Variants in TMCC1 observed in about 807,000 individuals in gnomAD.
The protein encoded by TMCC1 is transmembrane and coiled-coil domains protein 1.
Under a neutral mutation model 52.4 loss-of-function variants are expected in TMCC1, and 15 were observed. That is an observed-to-expected ratio of 0.29 (90% CI 0.19 to 0.44). The LOEUF (loss-of-function observed/expected upper bound fraction) is 0.44, where lower values mean the gene tolerates loss of function less well. Among genes scored for constraint, TMCC1 ranks in the 20% least tolerant of loss-of-function variants. The pLI is 1.00. For synonymous variants in TMCC1, 279 were observed against 301.9 expected (o/e 0.92, Z 0.79); for missense variants, 503 against 806.0 (o/e 0.62, Z 4.55).
chr3:129,660,156 GTTGT>G (rs139514245), intron 5 of TMCC1, among the ~76,000 whole-genome samples: 2,646 of 152,092 alleles, frequency 0.017, 80 homozygotes, highest in African/African-American at 0.061. Flanking sequence ...CTTTGTTGTT[GTTGT>G]TTGTTTGAGA....
At chr3:129,767,342 T>G (rs2107693000) in intron 4 of TMCC1, among the ~76,000 whole-genome samples, 1 of 152,008 alleles carries the variant, frequency 6.6e-6, no homozygotes, top group South Asian at 2.1e-4. Flanking sequence ...TTTCAGCACA[T>G]TCACAGAAGT....
chr3:129,889,976 T>C (rs1273876708), intron 1 of TMCC1, among the ~76,000 whole-genome samples: 4 of 130,938 alleles, frequency 3.1e-5, no homozygotes, highest in Admixed American at 2.2e-4. Flanking sequence ...GGTGAAGAAA[T>C]AAGAAAAAGC....
At chr3:129,686,508 AT>A (rs1477809850) in intron 4 of TMCC1, among the ~76,000 whole-genome samples, 3 of 152,070 alleles carry the variant, frequency 2.0e-5, no homozygotes, top group Non-Finnish European at 4.4e-5. Flanking sequence ...ACCATAGTGC[AT>A]TTGCAATATT....
chr3:129,868,643 T>G (rs2060771232), intron 2 of TMCC1, among the ~76,000 whole-genome samples: 1 of 152,230 alleles, frequency 6.6e-6, no homozygotes, highest in Non-Finnish European at 1.5e-5. Flanking sequence ...TTCACCATGT[T>G]GGCCAGGCTG....
At chr3:129,671,710 G>A (rs2087959021) in intron 4 of TMCC1, among the ~76,000 whole-genome samples, 1 of 152,184 alleles carries the variant, frequency 6.6e-6, no homozygotes, top group Non-Finnish European at 1.5e-5. Flanking sequence ...CACACTTATA[G>A]ATTATGGTCA....
intron 2 of TMCC1, among the ~76,000 whole-genome samples, chr3:129,872,788 T>G (rs1489247861): frequency 6.6e-6 from 1 of 152,158 alleles, no homozygotes; most frequent in Non-Finnish European, 1.5e-5. Context: ...TTGCTTCTGT[T>G]TATATAAGAC....
intron 4 of TMCC1, among the ~76,000 whole-genome samples, chr3:129,807,903 C>A (rs2107787505): frequency 6.6e-6 from 1 of 151,976 alleles, no homozygotes; most frequent in Admixed American, 6.6e-5. Flanking sequence ...ATCAAGGAAC[C>A]AAAGAATGTT....
intron 4 of TMCC1, among the ~76,000 whole-genome samples, chr3:129,693,866 T>C (rs2047201804): frequency 6.6e-6 from 1 of 152,234 alleles, no homozygotes; most frequent in Admixed American, 6.5e-5. Flanking sequence ...ATAGGATCAA[T>C]ACCAATCTCA....
intron 4 of TMCC1, among the ~76,000 whole-genome samples, chr3:129,692,312 A>T (rs1316164980): frequency 6.6e-6 from 1 of 152,238 alleles, no homozygotes; most frequent in Non-Finnish European, 1.5e-5. Flanking sequence ...AATAGCAATT[A>T]TGTGTCAGCT....
intron 2 of TMCC1, among the ~76,000 whole-genome samples, chr3:129,845,552 TG>T (rs908815473): frequency 2.6e-5 from 4 of 152,170 alleles, no homozygotes; most frequent in African/African-American, 9.7e-5. Flanking sequence ...ATACTATCAT[TG>T]AAGTATATAA....
intron 2 of TMCC1, among the ~76,000 whole-genome samples, chr3:129,853,568 G>A (rs2060009711): frequency 6.7e-6 from 1 of 148,160 alleles, no homozygotes; most frequent in Non-Finnish European, 1.5e-5. Flanking sequence ...GGTCTAGGCT[G>A]CAGTGAGCTA....
At chr3:129,718,892 T>C (rs910092152) in intron 4 of TMCC1, among the ~76,000 whole-genome samples, 1 of 152,216 alleles carries the variant, frequency 6.6e-6, no homozygotes, top group South Asian at 2.1e-4. Flanking sequence ...GACTGTTAGT[T>C]AAGCTTTGGG....
intron 4 of TMCC1, among the ~76,000 whole-genome samples, chr3:129,712,939 A>T (rs1056359451): frequency 6.6e-6 from 1 of 152,140 alleles, no homozygotes; most frequent in Non-Finnish European, 1.5e-5. Flanking sequence ...CTCGAGGTTC[A>T]ACTCTCTCCA....
intron 2 of TMCC1, among the ~76,000 whole-genome samples, chr3:129,839,786 G>A (rs944475615): frequency 3.3e-5 from 5 of 152,048 alleles, no homozygotes; most frequent in Admixed American, 6.6e-5. Context: ...TGGGGAGACC[G>A]AGGTGAGAGA....
chr3:129,711,826 TA>T (rs66986935), intron 4 of TMCC1, among the ~76,000 whole-genome samples: 44 of 118,680 alleles, frequency 3.7e-4, no homozygotes, highest in African/African-American at 1.1e-3. Context: ...CCGTCTCTAC[TA>T]AAAAAAAAAA....
At chr3:129,727,913 T>A (rs896401376) in intron 4 of TMCC1, among the ~76,000 whole-genome samples, 1 of 152,188 alleles carries the variant, frequency 6.6e-6, no homozygotes, top group African/African-American at 2.4e-5. Context: ...GCTGCCATGC[T>A]ACAAAAAAGC....
chr3:129,879,956 T>G (rs944318070), intron 2 of TMCC1, among the ~76,000 whole-genome samples: 2 of 152,084 alleles, frequency 1.3e-5, no homozygotes, highest in Non-Finnish European at 2.9e-5. Context: ...GGGGATCACT[T>G]GAGCCCAGGA....
At chr3:129,848,283 T>C (rs1020679514) in intron 2 of TMCC1, 2 of 152,226 alleles carry the variant, frequency 1.3e-5, no homozygotes, top group Admixed American at 6.5e-5. Flanking sequence ...ACAAAAACTT[T>C]CTGGAGTTGC....
intron 4 of TMCC1, among the ~76,000 whole-genome samples, chr3:129,761,770 C>A (rs2053616308): frequency 6.6e-6 from 1 of 152,018 alleles, no homozygotes; most frequent in African/African-American, 2.4e-5. Flanking sequence ...GCAGGCGGAT[C>A]ATCTGAGGTC....
Sources: allele counts gnomAD v4.1 joint callset (sites outside exome capture counted in the v4.1 genomes callset), GRCh38; gene constraint gnomAD v4.1.1; transcripts MANE v1.5; gene names NCBI Gene and HGNC (gene_info 2026-07-23, HGNC 2026-07-21).